Variants in ANK3 observed in about 807,000 individuals in gnomAD.
ANK3 encodes ankyrin 3, also known as ankyrin-3.
Under a neutral mutation model 370.9 loss-of-function variants are expected in ANK3, and 57 were observed. The observed-to-expected ratio is 0.15, with a 90% confidence interval of 0.12 to 0.19. ANK3 has a LOEUF of 0.19. ANK3 is among the 10% of genes least tolerant of loss of function. The pLI is 1.00. For missense variants in ANK3, 4,439 were observed against 5,302.1 expected, an observed-to-expected ratio of 0.84 and a Z score of 5.06; for synonymous variants, 1,929 against 1,946.3, an observed-to-expected ratio of 0.99 and a Z score of 0.23.
intron 2 of ANK3, among the ~76,000 whole-genome samples, chr10:60,588,335 C>T (rs899847009): frequency 6.6e-6 from 1 of 151,576 alleles, no homozygotes; most frequent in Non-Finnish European, 1.5e-5. Flanking sequence ...CAGGCGAGTG[C>T]CACCATGCTT....
chr10:60,507,131 A>T (rs189835331), intron 2 of ANK3, among the ~76,000 whole-genome samples: 2 of 152,210 alleles, frequency 1.3e-5, no homozygotes, highest in Admixed American at 1.3e-4. Context: ...GAAACATCAC[A>T]TCGTGCCTTC....
chr10:60,110,219 G>C (rs1231421375), intron 26 of ANK3, among the ~76,000 whole-genome samples: 1 of 152,068 alleles, frequency 6.6e-6, no homozygotes, highest in Non-Finnish European at 1.5e-5. Context: ...TCCTAGCTGG[G>C]GACCGTCTTC....
chr10:60,195,729 C>T (rs996283292), intron 16 of ANK3, among the ~76,000 whole-genome samples: 1 of 152,168 alleles, frequency 6.6e-6, no homozygotes, highest in Admixed American at 6.5e-5. Flanking sequence ...ATAATAAAAA[C>T]ACACATGTAA....
chr10:60,382,731 T>C lies in ANK3; in HGVS notation c.114+6694A>G, dbSNP rs1255847902. On this transcript the variant is annotated intron_variant, in intron 1 of 43. Coordinates refer to ENST00000280772, the MANE Select transcript of ANK3 (RefSeq NM_020987.5). Reference sequence around the variant, plus strand: ...TTATTTCTTGAAAATAAAATTTGAATTATGTGACTGACAATATAATGTTGT... The same window carrying C: ...TTATTTCTTGAAAATAAAATTTGAACTATGTGACTGACAATATAATGTTGT... Among the ~76,000 whole-genome samples, 4 of 150,786 alleles carry C rather than the reference T, an allele frequency of 2.7e-5. 1 individual carries two copies.
intron 28 of ANK3, among the ~76,000 whole-genome samples, chr10:60,099,995 G>A (rs528187460): frequency 6.6e-6 from 1 of 152,182 alleles, no homozygotes; most frequent in Non-Finnish European, 1.5e-5. Context: ...ATCCACTAAT[G>A]TTTCATAAAG....
At chr10:60,386,539 T>G (rs2062353224) in intron 1 of ANK3, among the ~76,000 whole-genome samples, 1 of 143,990 alleles carries the variant, frequency 6.9e-6, no homozygotes, top group Admixed American at 7.0e-5. Flanking sequence ...TCTGTACTGC[T>G]TTTTTTTTTT....
At chr10:60,097,537 T>C (rs988700183) in intron 28 of ANK3, among the ~76,000 whole-genome samples, 1 of 152,180 alleles carries the variant, frequency 6.6e-6, no homozygotes, top group African/African-American at 2.4e-5. Flanking sequence ...ACTGAGGCTT[T>C]GTTACAAACA....
At chr10:60,701,460 AGAC>A (rs2079545065) in intron 1 of ANK3, among the ~76,000 whole-genome samples, 2 of 152,326 alleles carry the variant, frequency 1.3e-5, no homozygotes, top group East Asian at 1.9e-4. Context: ...AAAAATGAAA[AGAC>A]GAGGCAATTC....
chr10:60,055,582 G>A (rs2131912895), intron 42 of ANK3, 76 bp downstream of exon 42: 1 of 1,493,344 alleles, frequency 6.7e-7, no homozygotes, highest in Non-Finnish European at 8.9e-7. Flanking sequence ...GCCCCCGGCT[G>A]CAAGATCAAT....
intron 2 of ANK3, among the ~76,000 whole-genome samples, chr10:60,462,634 A>G (rs1486422756): frequency 7.3e-6 from 1 of 136,492 alleles, no homozygotes; most frequent in Non-Finnish European, 1.6e-5. Context: ...TTAGTTCTTT[A>G]TTGGATTTAT....
In ANK3 at chr10:60,109,514, A is replaced by C. The variant is rs76629301; in HGVS notation, c.2949-460T>G. Among the ~76,000 whole-genome samples the C allele has an allele frequency of 8.7e-3, 1,324 of 152,358 alleles. 17 individuals are homozygous for C. Among genetic ancestry groups the C allele is most frequent in the African/African-American group, 0.03 (1,243 of 41,590 alleles). ...TGTCTTGATATTTACGACTCATAAAATAAATGTATTTTTAATCATACCAAC... is the reference window on the plus strand; with the variant it reads ...TGTCTTGATATTTACGACTCATAAACTAAATGTATTTTTAATCATACCAAC... On this transcript the variant is annotated intron_variant, in intron 26 of 43. Coordinates refer to ENST00000280772, the MANE Select transcript of ANK3 (RefSeq NM_020987.5).
rs78295011 is a variant in ANK3, at chr10:60,178,060, T to C, written c.2184+3269A>G. 2.8e-3 allele frequency among the ~76,000 whole-genome samples: 419 copies of C among 152,300 alleles called. 1 individual carries two copies. Among genetic ancestry groups the C allele is most frequent in the African/African-American group, 9.8e-3 (406 of 41,556 alleles). On this transcript the variant is annotated intron_variant, in intron 18 of 43. Coordinates refer to ENST00000280772, the MANE Select transcript of ANK3 (RefSeq NM_020987.5). ...CTTCCCAGGATCTTTGTAAACCAGA[T>C]TGTTGATCTTATCACGTTTGTGTTT...
intron 2 of ANK3, among the ~76,000 whole-genome samples, chr10:60,544,156 A>G (rs1241749975): frequency 6.6e-6 from 1 of 152,094 alleles, no homozygotes; most frequent in Non-Finnish European, 1.5e-5. Flanking sequence ...CCAGAAGGCA[A>G]CCCAGAGAAG....
At chr10:60,121,035 A>C (rs2093433808) in intron 25 of ANK3, among the ~76,000 whole-genome samples, 1 of 152,222 alleles carries the variant, frequency 6.6e-6, no homozygotes, top group Admixed American at 6.5e-5. Flanking sequence ...TATTCACAAT[A>C]GCCAAGATTT....
intron 2 of ANK3, among the ~76,000 whole-genome samples, chr10:60,417,489 T>C (rs183823767): frequency 6.6e-6 from 1 of 152,214 alleles, no homozygotes; most frequent in African/African-American, 2.4e-5. Context: ...TGGTGTTTTA[T>C]AAAATAGTCC....
Position 60,389,720 on chromosome 10 carries a change from T to G in ANK3, c.-182A>C. 7.0e-7 allele frequency: 1 copy of G among 1,433,844 alleles called. No individual in the cohort carries two copies. Among genetic ancestry groups the G allele is most frequent in the African/African-American group, 1.4e-5 (1 of 69,640 alleles). 88.8% of individuals were successfully genotyped at this position (1,433,844 alleles called of 1,614,324 possible). ...AAGCTGAAGCTTTTAAAAACCCAAATGATGGTGTCCGGACTTCATCCTACA... is the reference window on the plus strand; with the variant it reads ...AAGCTGAAGCTTTTAAAAACCCAAAGGATGGTGTCCGGACTTCATCCTACA... On this transcript the variant is annotated 5_prime_UTR_variant, in exon 1 of 44. Coordinates refer to ENST00000280772, the MANE Select transcript of ANK3 (RefSeq NM_020987.5).
At chr10:60,428,318 C>T (rs770444091) in intron 2 of ANK3, among the ~76,000 whole-genome samples, 71 of 152,246 alleles carry the variant, frequency 4.7e-4, no homozygotes, top group Non-Finnish European at 6.6e-4. Context: ...TGATTCTGTG[C>T]TCATCCTTCC....
At chr10:60,121,994 T>A (rs2093506916) in intron 25 of ANK3, among the ~76,000 whole-genome samples, 1 of 152,194 alleles carries the variant, frequency 6.6e-6, no homozygotes, top group Admixed American at 6.5e-5. Context: ...AAAGATGAAC[T>A]AGACCTGACT....
chr10:60,284,727 G>A (rs2132724621), intron 1 of ANK3, among the ~76,000 whole-genome samples: 1 of 152,078 alleles, frequency 6.6e-6, no homozygotes, highest in East Asian at 1.9e-4. Context: ...TGGATCACCT[G>A]AAAAAATGCA....
Sources: gnomAD v4.1 joint callset for allele counts (sites outside exome capture counted in the v4.1 genomes callset) on GRCh38, gnomAD v4.1.1 for gene constraint, MANE v1.5 for transcripts, NCBI Gene and HGNC (gene_info 2026-07-23, HGNC 2026-07-21) for gene names.